The following FNIP2 variants were observed in gnomAD, a reference collection of about 807,000 sequenced individuals.
The protein encoded by FNIP2 is folliculin-interacting protein 2.
FNIP2 carries 32 observed loss-of-function variants against 108.7 expected under a neutral mutation model. The observed-to-expected ratio is 0.29, with a 90% confidence interval of 0.22 to 0.40. FNIP2 has a LOEUF of 0.40. Ranked by LOEUF, FNIP2 falls within the 10% of genes least tolerant of loss-of-function variation. The probability of loss-of-function intolerance (pLI) is 1.00; values close to 1 mark genes in which losing one functional copy is unlikely to be tolerated. For missense variants in FNIP2, 1,202 were observed against 1,381.6 expected (o/e 0.87, Z 2.06); for synonymous variants, 480 against 496.7 (o/e 0.97, Z 0.45).
chr4:158,773,440 A>G (rs985360832), intron 1 of FNIP2, among the ~76,000 whole-genome samples: 1 of 152,264 alleles, frequency 6.6e-6, no homozygotes, highest in Non-Finnish European at 1.5e-5. Flanking sequence ...GGGAGACCCA[A>G]CAAGACTCCA....
chr4:158,828,799 A>G, intron 2 of FNIP2, among the ~76,000 whole-genome samples: 1 of 152,228 alleles, frequency 6.6e-6, no homozygotes, highest in East Asian at 1.9e-4. Context: ...AATAACCAAA[A>G]CAGAGGTCAA....
intron 1 of FNIP2, among the ~76,000 whole-genome samples, chr4:158,791,824 C>T (rs975878900): frequency 6.6e-5 from 10 of 152,002 alleles, no homozygotes; most frequent in Non-Finnish European, 1.3e-4. Context: ...TCAGTAATCT[C>T]GAGTGCAAGC....
At chr4:158,827,522 A>G (rs1396085705) in intron 2 of FNIP2, among the ~76,000 whole-genome samples, 1 of 152,192 alleles carries the variant, frequency 6.6e-6, no homozygotes, top group Non-Finnish European at 1.5e-5. Flanking sequence ...CTACAAAAGA[A>G]TCCAGTCAGT....
At position 158,825,890 on chromosome 4, in the gene FNIP2, C is replaced by T. The variant is rs201691986; in HGVS notation, c.108-26C>T. ...ATCTCATGTGCTGCAGATAACATAA[C>T]TTCTTTTGCCCTTTTTAATCCACAG... On this transcript the variant is annotated intron_variant, in intron 1 of 16. Transcript: ENST00000264433. 1.5e-5 allele frequency: 24 copies of T among 1,597,304 alleles called. No homozygotes were observed. In the African/African-American group the frequency reaches 2.9e-4, roughly 20 times the overall value.
At chr4:158,814,310 T>TA (rs1777445179) in intron 1 of FNIP2, among the ~76,000 whole-genome samples, 1 of 152,242 alleles carries the variant, frequency 6.6e-6, no homozygotes, top group Non-Finnish European at 1.5e-5. Context: ...CTTAGCCACT[T>TA]ACTGGACATA....
In FNIP2 at chr4:158,868,609, C is replaced by T. The variant is rs775584067; in HGVS notation, c.1973C>T (p.Pro658Leu). The T allele has an allele frequency of 1.9e-5, 31 of 1,613,678 alleles. No individual in the cohort carries two copies. The highest frequency in any genetic ancestry group is 1.6e-4 in the Middle Eastern group (1 of 6,084). The change falls in exon 13 of 17, where the codon CCG becomes CTG. Residue 658 changes from proline (P) to leucine (L), a missense_variant. Coordinates refer to ENST00000264433, the MANE Select transcript of FNIP2 (RefSeq NM_020840.3). The surrounding 1 kb of genome is among the most constrained non-coding windows in gnomAD (Gnocchi z 4.6). Reference sequence around the variant, plus strand: ...GGGGATGAGAAAAATAAAGAGGCACCGCAAGATGGCTCTTCAAGACTTCCC... The same window carrying T: ...GGGGATGAGAAAAATAAAGAGGCACTGCAAGATGGCTCTTCAAGACTTCCC... ...FCGDEKNKEA[P>L]QDGSSRLPSC...
At chr4:158,783,653 A>G (rs1225712008) in intron 1 of FNIP2, among the ~76,000 whole-genome samples, 1 of 151,964 alleles carries the variant, frequency 6.6e-6, no homozygotes, top group African/African-American at 2.4e-5. Flanking sequence ...TCACCATCAG[A>G]TTAGTGAAAT....
At chr4:158,772,651 T>A (rs1561273096) in intron 1 of FNIP2, among the ~76,000 whole-genome samples, 1 of 152,206 alleles carries the variant, frequency 6.6e-6, no homozygotes, top group East Asian at 1.9e-4. Context: ...TAAGTGCTGA[T>A]CCCCACTGTT....
intron 14 of FNIP2, among the ~76,000 whole-genome samples, chr4:158,888,248 A>C (rs1782120243): frequency 6.6e-6 from 1 of 152,348 alleles, no homozygotes; most frequent in African/African-American, 2.4e-5. Context: ...TTATGTATTT[A>C]GTAGCCTGAG....
Position 158,906,566 on chromosome 4 carries a change from A to C in FNIP2, c.*2022A>C, listed in dbSNP as rs1258003536. On this transcript the variant is annotated 3_prime_UTR_variant, in exon 17 of 17. Coordinates refer to ENST00000264433, the MANE Select transcript of FNIP2 (RefSeq NM_020840.3). ...GGCCCCTCAAAGCCTGAGAAAATTT[A>C]ATTTGCTCTTAATTTAATGTTCCAA... The C allele has an allele frequency of 6.6e-6, 1 of 152,168 alleles. No homozygotes were observed. Among genetic ancestry groups the C allele is most frequent in the Non-Finnish European group, 1.5e-5 (1 of 68,028 alleles). The allele number at this position is 152,168 out of a possible 1,614,324, so 9.4% of individuals were successfully genotyped here. A position where few individuals can be genotyped will look rare whatever the true frequency, so the allele number is the denominator to read the frequency against.
At chr4:158,779,146 C>T (rs960697796) in intron 1 of FNIP2, among the ~76,000 whole-genome samples, 1 of 152,148 alleles carries the variant, frequency 6.6e-6, no homozygotes, top group Non-Finnish European at 1.5e-5. Flanking sequence ...CTCAATTTGG[C>T]TGTGCTTTCC....
chr4:158,890,032 C>T, intron 14 of FNIP2: 1 of 985,258 alleles, frequency 1.0e-6, no homozygotes, highest in Non-Finnish European at 1.2e-6. Context: ...GTGATGGGGT[C>T]ATTATGTGTG....
chr4:158,888,384 T>C (rs1380720138), intron 14 of FNIP2, among the ~76,000 whole-genome samples: 1 of 152,202 alleles, frequency 6.6e-6, no homozygotes, highest in Non-Finnish European at 1.5e-5. Context: ...TCATCGACTC[T>C]TGTCATTTGC....
At chr4:158,778,240 G>A (rs1775922363) in intron 1 of FNIP2, among the ~76,000 whole-genome samples, 2 of 152,186 alleles carry the variant, frequency 1.3e-5, no homozygotes, top group Non-Finnish European at 2.9e-5. Context: ...ATGCAGCCAA[G>A]CACACTACAA....
chr4:158,879,380 G>A (rs928309211), intron 14 of FNIP2, among the ~76,000 whole-genome samples: 7 of 150,614 alleles, frequency 4.6e-5, no homozygotes, highest in African/African-American at 9.9e-5. Context: ...GAGAACGTGC[G>A]CACAAGGCGG....
chr4:158,893,674 A>C, intron 15 of FNIP2: 1 of 1,582,360 alleles, frequency 6.3e-7, no homozygotes, highest in Non-Finnish European at 8.6e-7. Flanking sequence ...CTCCTTCTAA[A>C]AGCAGGTTGA....
At position 158,789,143 on chromosome 4, in the gene FNIP2, G is replaced by A. The variant is rs1014476477; in HGVS notation, c.107+19824G>A. Among the ~76,000 whole-genome samples the A allele has an allele frequency of 6.6e-5, 10 of 152,316 alleles. No homozygotes were observed. The East Asian group carries it at 7.7e-4, about 12-fold the overall frequency. On this transcript the variant is annotated intron_variant, in intron 1 of 16. Coordinates refer to ENST00000264433, the MANE Select transcript of FNIP2 (RefSeq NM_020840.3). ...ATTATTTTGTTTAAAGTCATTAAAG[G>A]TTTGGAGGGTAGTACAAGAGTGATA...
intron 1 of FNIP2, among the ~76,000 whole-genome samples, chr4:158,771,840 T>C (rs1775708606): frequency 6.6e-6 from 1 of 152,226 alleles, no homozygotes; most frequent in African/African-American, 2.4e-5. Flanking sequence ...TTCTCAGAAT[T>C]GTTTTGCCCT....
At chr4:158,778,004 G>A (rs1775915286) in intron 1 of FNIP2, among the ~76,000 whole-genome samples, 3 of 152,132 alleles carry the variant, frequency 2.0e-5, no homozygotes, top group Non-Finnish European at 4.4e-5. Context: ...CAGACAGAGT[G>A]GTAGTTGCTG....
Sources: gnomAD v4.1 joint callset for allele counts (sites outside exome capture counted in the v4.1 genomes callset) on GRCh38, gnomAD v4.1.1 for gene constraint, Gnocchi (gnomAD v3.1) non-coding constraint, MANE v1.5 for transcripts, NCBI Gene and HGNC (gene_info 2026-07-23, HGNC 2026-07-21) for gene names.